DCC: variants seen among roughly 807,000 people sequenced by gnomAD.
DCC encodes the protein netrin receptor DCC.
In DCC, 58 loss-of-function variants were observed where a neutral mutation model predicts 172.5. The ratio of observed to expected loss-of-function variants is 0.34; its 90% CI spans 0.27 to 0.42. DCC has a LOEUF of 0.42. Among genes scored for constraint, DCC ranks in the 10% least tolerant of loss-of-function variants. The pLI, the probability that DCC is intolerant of heterozygous loss-of-function variation, is 1.00. For synonymous variants in DCC, 709 were observed against 644.5 expected, an observed-to-expected ratio of 1.10 and a Z score of -1.52; for missense variants, 1,740 against 1,791.0, an observed-to-expected ratio of 0.97 and a Z score of 0.51.
At chr18:52,574,090 C>CAAAT in intron 1 of DCC, among the ~76,000 whole-genome samples, 1 of 152,174 alleles carries the variant, frequency 6.6e-6, no homozygotes. Context: ...ATCATTCATC[C>CAAAT]ATTTGTTCAT....
intron 7 of DCC, among the ~76,000 whole-genome samples, chr18:53,093,878 A>G (rs1422124684): frequency 6.6e-6 from 1 of 152,064 alleles, no homozygotes; most frequent in Non-Finnish European, 1.5e-5. Context: ...ATCCATTCCC[A>G]TCATCCCCTC....
chr18:52,818,319 G>A (rs886791700), intron 2 of DCC: 1 of 151,578 alleles, frequency 6.6e-6, no homozygotes, highest in Non-Finnish European at 1.5e-5. Context: ...GGCTGAGAGA[G>A]GAGGATTGCT....
intron 2 of DCC, among the ~76,000 whole-genome samples, chr18:52,794,256 A>C (rs1598809231): frequency 6.6e-6 from 1 of 152,130 alleles, no homozygotes; most frequent in South Asian, 2.1e-4. Flanking sequence ...ATTGGGAAGG[A>C]TGGCTATTTT....
intron 13 of DCC, among the ~76,000 whole-genome samples, chr18:53,319,292 G>A (rs1300292934): frequency 1.3e-5 from 2 of 152,030 alleles, no homozygotes; most frequent in African/African-American, 2.4e-5. Context: ...TAGGCTAAAT[G>A]CCCCAATTAA....
intron 12 of DCC, among the ~76,000 whole-genome samples, chr18:53,260,286 T>C (rs2056579134): frequency 6.6e-6 from 1 of 152,178 alleles, no homozygotes. Context: ...GTTCTGATTT[T>C]TAGAGTTTCC....
In DCC at chr18:52,439,460, C is replaced by G. The variant is rs555004329; in HGVS notation, c.91+98582C>G. Among the ~76,000 whole-genome samples, 31 of 152,216 alleles carry G rather than the reference C, an allele frequency of 2.0e-4. No homozygotes were observed. The South Asian group carries it at 6.2e-3, about 31-fold the overall frequency. On this transcript the variant is annotated intron_variant, in intron 1 of 28. Coordinates refer to ENST00000442544, the MANE Select transcript of DCC (RefSeq NM_005215.4). ...GAGAAATGGCCTTAGGGTGAGGCATCTGGACCATTGCTGACCTTGCCTCTG... is the reference window on the plus strand; with the variant it reads ...GAGAAATGGCCTTAGGGTGAGGCATGTGGACCATTGCTGACCTTGCCTCTG...
chr18:53,292,731 T>C (rs1377910141), intron 12 of DCC, among the ~76,000 whole-genome samples: 3 of 152,066 alleles, frequency 2.0e-5, no homozygotes, highest in Non-Finnish European at 4.4e-5. Flanking sequence ...AAACAAATCT[T>C]TGCACAATGC....
intron 12 of DCC, among the ~76,000 whole-genome samples, chr18:53,265,509 A>G (rs1354067678): frequency 6.6e-6 from 1 of 152,210 alleles, no homozygotes; most frequent in Non-Finnish European, 1.5e-5. Flanking sequence ...ATAGAGAATA[A>G]TGTCTTGAGA....
intron 21 of DCC, among the ~76,000 whole-genome samples, chr18:53,421,723 C>G (rs1910652510): frequency 6.6e-6 from 1 of 152,222 alleles, no homozygotes; most frequent in Non-Finnish European, 1.5e-5. Flanking sequence ...CATCTCTCAA[C>G]ATCCTCACCT....
intron 7 of DCC, among the ~76,000 whole-genome samples, chr18:53,111,047 C>T (rs1287624803): frequency 1.4e-5 from 2 of 143,544 alleles, no homozygotes; most frequent in African/African-American, 2.6e-5. Context: ...GGCACATATA[C>T]ACCATGGAAT....
chr18:52,963,454 C>A (rs2040878076), intron 5 of DCC, among the ~76,000 whole-genome samples: 1 of 152,002 alleles, frequency 6.6e-6, no homozygotes, highest in Non-Finnish European at 1.5e-5. Context: ...GACTGTGAAG[C>A]AAAGACCTGC....
intron 25 of DCC, among the ~76,000 whole-genome samples, chr18:53,469,589 T>G (rs1349830790): frequency 6.6e-6 from 1 of 152,204 alleles, no homozygotes; most frequent in African/African-American, 2.4e-5. Flanking sequence ...CTGAGTGTCT[T>G]GTTGAAATCC....
intron 1 of DCC, among the ~76,000 whole-genome samples, chr18:52,613,247 T>A (rs2034307778): frequency 6.6e-6 from 1 of 152,132 alleles, no homozygotes; most frequent in South Asian, 2.1e-4. Flanking sequence ...TTTGTTTTTG[T>A]TTTTTTCTTG....
intron 13 of DCC, among the ~76,000 whole-genome samples, chr18:53,310,689 A>G (rs531618337): frequency 6.6e-6 from 1 of 152,292 alleles, no homozygotes; most frequent in South Asian, 2.1e-4. Context: ...TATATAATAA[A>G]CATAATAATA....
intron 1 of DCC, among the ~76,000 whole-genome samples, chr18:52,497,278 AAAATATATATATATATATAT>A (rs2030809087): frequency 1.6e-5 from 1 of 60,990 alleles, no homozygotes; most frequent in African/African-American, 8.0e-5. Context: ...AAAAAAAAAA[AAAATATATATATATATATAT>A]ATATATATAT....
At chr18:52,363,517 T>C (rs887802801) in intron 1 of DCC, among the ~76,000 whole-genome samples, 3 of 152,180 alleles carry the variant, frequency 2.0e-5, no homozygotes, top group African/African-American at 7.2e-5. Context: ...GGCCATATCT[T>C]CTTTGACTCA....
intron 5 of DCC, among the ~76,000 whole-genome samples, chr18:53,053,560 T>C (rs938669868): frequency 1.3e-5 from 2 of 152,196 alleles, no homozygotes; most frequent in African/African-American, 2.4e-5. Flanking sequence ...TTTTCTATTA[T>C]GTTTTAGTGT....
chr18:53,010,252 TATA>T (rs1278585687), intron 5 of DCC, among the ~76,000 whole-genome samples: 3 of 151,958 alleles, frequency 2.0e-5, no homozygotes, highest in Non-Finnish European at 4.4e-5. Flanking sequence ...TCTACACTGA[TATA>T]ATTAAAATGC....
intron 1 of DCC, among the ~76,000 whole-genome samples, chr18:52,550,062 G>A (rs1421702975): frequency 6.6e-6 from 1 of 151,930 alleles, no homozygotes; most frequent in Non-Finnish European, 1.5e-5. Flanking sequence ...GATATCAACA[G>A]CAATAGGTCA....
Sources: allele counts gnomAD v4.1 joint callset (sites outside exome capture counted in the v4.1 genomes callset), GRCh38; gene constraint gnomAD v4.1.1; transcripts MANE v1.5; gene names NCBI Gene and HGNC (gene_info 2026-07-23, HGNC 2026-07-21).